FAM47E: variants seen among roughly 807,000 people sequenced by gnomAD.
The protein encoded by FAM47E is family with sequence similarity 47 member E, also known as protein FAM47E.
FAM47E carries 32 observed loss-of-function variants against 41.6 expected under a neutral mutation model. That is an observed-to-expected ratio of 0.77 (90% CI 0.58 to 1.03). The LOEUF is 1.03. Among genes scored for constraint, FAM47E ranks in the 50% least tolerant of loss-of-function variants. The pLI is 0.00. For synonymous variants in FAM47E, 184 were observed against 188.7 expected (o/e 0.98, Z 0.20); for missense variants, 424 against 485.4 (o/e 0.87, Z 1.19).
intron 2 of FAM47E, among the ~76,000 whole-genome samples, chr4:76,239,186 G>C (rs191836902): frequency 7.1e-4 from 108 of 152,278 alleles, no homozygotes; most frequent in South Asian, 2.1e-3. Flanking sequence ...TGTGAATAAT[G>C]CTGCTATAAA....
At chr4:76,264,763 T>A (rs984324389) in intron 3 of FAM47E, among the ~76,000 whole-genome samples, 1 of 152,184 alleles carries the variant, frequency 6.6e-6, no homozygotes, top group African/African-American at 2.4e-5. Flanking sequence ...ACCTGGCTAA[T>A]CTTTGTACTT....
Position 76,256,134 on chromosome 4 carries a change from G to C in FAM47E, c.75-44G>C, listed in dbSNP as rs1283131252. Reference sequence around the variant, plus strand: ...CAAGTCCTGTGGTTAATATGAACAGGCATGTGGTATTCTAGGTACAAAGAG... The same window carrying C: ...CAAGTCCTGTGGTTAATATGAACAGCCATGTGGTATTCTAGGTACAAAGAG... On this transcript the variant is annotated intron_variant, in intron 1 of 7. Coordinates refer to ENST00000424749, the MANE Select transcript of FAM47E (RefSeq NM_001136570.3). 9.2e-6 allele frequency: 14 copies of C among 1,525,852 alleles called. No individual in the cohort carries two copies. The East Asian group carries it at 3.2e-4, about 35-fold the overall frequency. 94.5% of individuals were successfully genotyped at this position (1,525,852 alleles called of 1,614,324 possible).
intron 1 of FAM47E, among the ~76,000 whole-genome samples, chr4:76,215,491 T>C (rs1472780270): frequency 6.6e-6 from 1 of 152,214 alleles, no homozygotes; most frequent in African/African-American, 2.4e-5. Flanking sequence ...GCATGATGGT[T>C]TAAAAATGGT....
intron 2 of FAM47E, among the ~76,000 whole-genome samples, chr4:76,261,938 TAATA>T (rs1349794316): frequency 2.6e-5 from 4 of 152,218 alleles, no homozygotes; most frequent in Non-Finnish European, 5.9e-5. Context: ...CAGGAGCTTT[TAATA>T]AATTAAAGCT....
At chr4:76,240,806 T>C (rs1235073975) in intron 2 of FAM47E, among the ~76,000 whole-genome samples, 5 of 152,168 alleles carry the variant, frequency 3.3e-5, no homozygotes, top group Non-Finnish European at 7.4e-5. Flanking sequence ...TCATACATCA[T>C]TTTCTTGACA....
At chr4:76,277,058 G>A (rs1735148735) in intron 5 of FAM47E, among the ~76,000 whole-genome samples, 1 of 152,164 alleles carries the variant, frequency 6.6e-6, no homozygotes, top group African/African-American at 2.4e-5. Flanking sequence ...GAGACAGTGT[G>A]GGTATTGCAT....
At chr4:76,214,635 G>C (rs1733165296) in intron 1 of FAM47E, among the ~76,000 whole-genome samples, 2 of 152,160 alleles carry the variant, frequency 1.3e-5, no homozygotes, top group African/African-American at 4.8e-5. Flanking sequence ...TGCCTGCTTT[G>C]CTCACTGTGG....
At chr4:76,230,216 G>A (rs892704161) in intron 2 of FAM47E, among the ~76,000 whole-genome samples, 1 of 152,120 alleles carries the variant, frequency 6.6e-6, no homozygotes, top group Admixed American at 6.5e-5. Flanking sequence ...GGCCACTGTA[G>A]GGGATGCTGG....
At chr4:76,255,744 C>T (rs12651582) in intron 1 of FAM47E, among the ~76,000 whole-genome samples, 28,216 of 152,066 alleles carry the variant, frequency 0.19, 3,229 homozygotes, top group East Asian at 0.32. Context: ...ATTAGATTTA[C>T]ATAGAGTGAC....
intron 3 of FAM47E, 168 bp from the exon 4 acceptor site, chr4:76,268,492 G>A (rs543553290): frequency 1.5e-5 from 9 of 601,678 alleles, no homozygotes; most frequent in Middle Eastern, 4.5e-4. Flanking sequence ...TATGATATTC[G>A]TAATGAGAAT....
chr4:76,235,852 T>C (rs1396926403), intron 2 of FAM47E, among the ~76,000 whole-genome samples: 1 of 152,254 alleles, frequency 6.6e-6, no homozygotes, highest in Non-Finnish European at 1.5e-5. Flanking sequence ...TGATAATCAA[T>C]TTAATCCTCT....
At chr4:76,246,867 A>C (rs1043511361), upstream of FAM47E, among the ~76,000 whole-genome samples, 1 of 152,116 alleles carries the variant, frequency 6.6e-6, no homozygotes, top group East Asian at 1.9e-4. Flanking sequence ...CCAATTTGTT[A>C]AGTTGGATTC....
upstream of FAM47E, among the ~76,000 whole-genome samples, chr4:76,247,099 A>G (rs1018653312): frequency 2.6e-5 from 4 of 152,028 alleles, no homozygotes; most frequent in Admixed American, 6.6e-5. Flanking sequence ...ATTATGCACT[A>G]ACTCCTCATT....
At chr4:76,230,227 G>A (rs1009935489) in intron 2 of FAM47E, among the ~76,000 whole-genome samples, 2 of 152,138 alleles carry the variant, frequency 1.3e-5, no homozygotes, top group Admixed American at 6.5e-5. Context: ...GGGATGCTGG[G>A]TGGTTCTTGG....
intron 3 of FAM47E, among the ~76,000 whole-genome samples, chr4:76,264,349 ACCATG>A (rs1184160419): frequency 1.3e-5 from 2 of 151,854 alleles, no homozygotes; most frequent in Non-Finnish European, 2.9e-5. Context: ...GGTATGTACC[ACCATG>A]CCTGACCTAA....
chr4:76,223,735 A>G (rs546717748), intron 2 of FAM47E, among the ~76,000 whole-genome samples: 1 of 152,324 alleles, frequency 6.6e-6, no homozygotes, highest in Admixed American at 6.5e-5. Flanking sequence ...CTCAAGGCCC[A>G]GTCACAAGTG....
chr4:76,215,446 CAGTT>C (rs752906131), intron 1 of FAM47E, among the ~76,000 whole-genome samples: 1 of 152,192 alleles, frequency 6.6e-6, no homozygotes, highest in Non-Finnish European at 1.5e-5. Context: ...GACAGCAAAT[CAGTT>C]AGGAGGCTTT....
chr4:76,275,294 T>C lies in FAM47E; in HGVS notation c.871-2775T>C, dbSNP rs151259869. Among the ~76,000 whole-genome samples the C allele has an allele frequency of 5.4e-4, 83 of 152,294 alleles. 2 individuals carry two copies. The East Asian group carries it at 0.013, about 23-fold the overall frequency. On this transcript the variant is annotated intron_variant, in intron 5 of 7. Coordinates refer to ENST00000424749, the MANE Select transcript of FAM47E (RefSeq NM_001136570.3). ...CTCCTCTCCATGTCCATAGGTTCTATCTTCCTTTAGACACAGGAAGTATGC... is the reference window on the plus strand; with the variant it reads ...CTCCTCTCCATGTCCATAGGTTCTACCTTCCTTTAGACACAGGAAGTATGC...
At chr4:76,246,905 C>CT (rs1373332104), upstream of FAM47E, among the ~76,000 whole-genome samples, 4 of 152,070 alleles carry the variant, frequency 2.6e-5, no homozygotes, top group African/African-American at 7.2e-5. Context: ...AAATTTCCTT[C>CT]TTTTTTTGGT....
Sources: allele counts gnomAD v4.1 joint callset (sites outside exome capture counted in the v4.1 genomes callset), GRCh38; gene constraint gnomAD v4.1.1; transcripts MANE v1.5; gene names NCBI Gene and HGNC (gene_info 2026-07-23, HGNC 2026-07-21).